The following CPED1 variants were observed in gnomAD, a reference collection of about 807,000 sequenced individuals.
CPED1 encodes cadherin-like and PC-esterase domain-containing protein 1.
A neutral mutation model predicts 128.2 loss-of-function variants in CPED1; 114 were observed. The observed-to-expected ratio is 0.89, with a 90% CI of 0.76 to 1.04. The LOEUF (loss-of-function observed/expected upper bound fraction) is 1.04, where lower values mean the gene tolerates loss of function less well. Ranked by LOEUF, CPED1 falls within the 50% of genes least tolerant of loss-of-function variation. The pLI is 0.00. For synonymous variants in CPED1, 462 were observed against 426.7 expected, an observed-to-expected ratio of 1.08 and a Z score of -1.02; for missense variants, 1,211 against 1,207.1, an observed-to-expected ratio of 1.00 and a Z score of -0.05.
At chr7:121,062,708 T>C (rs1451755060) in intron 4 of CPED1, 1 of 152,058 alleles carries the variant, frequency 6.6e-6, no homozygotes, top group Non-Finnish European at 1.5e-5. Context: ...CCAAATCTCA[T>C]CCGGAATTAT....
chr7:121,143,956 A>G (rs1045452090), intron 16 of CPED1, among the ~76,000 whole-genome samples: 3 of 152,038 alleles, frequency 2.0e-5, no homozygotes, highest in African/African-American at 4.8e-5. Flanking sequence ...GGGGCATTAA[A>G]AATAAATGAA....
intron 5 of CPED1, among the ~76,000 whole-genome samples, chr7:121,068,195 T>A (rs1437107057): frequency 3.3e-5 from 5 of 152,262 alleles, no homozygotes; most frequent in African/African-American, 4.8e-5. Context: ...TGCCCATGCC[T>A]ATGTCCTGAA....
intron 7 of CPED1, among the ~76,000 whole-genome samples, 193 bp downstream of exon 7, chr7:121,100,287 A>C (rs575515126): frequency 6.6e-6 from 1 of 152,314 alleles, no homozygotes; most frequent in South Asian, 2.1e-4. Flanking sequence ...AGCTTAATTC[A>C]CTAGGGATCA....
chr7:121,091,914 C>T (rs1020064664), intron 5 of CPED1, among the ~76,000 whole-genome samples: 4 of 151,988 alleles, frequency 2.6e-5, no homozygotes, highest in African/African-American at 7.3e-5. Flanking sequence ...TTAGATTATG[C>T]ATCTTTATTG....
intron 22 of CPED1, among the ~76,000 whole-genome samples, chr7:121,294,556 CACCATTATA>C (rs1330302216): frequency 1.3e-5 from 2 of 151,972 alleles, no homozygotes; most frequent in African/African-American, 4.8e-5. Flanking sequence ...TGGATCCCTG[CACCATTATA>C]ACCCCAGACC....
chr7:121,259,368 C>A (rs907539697), intron 18 of CPED1, among the ~76,000 whole-genome samples: 1 of 152,058 alleles, frequency 6.6e-6, no homozygotes, highest in African/African-American at 2.4e-5. Context: ...AACAAGTTTT[C>A]CCCCTCTGAA....
At chr7:121,256,261 A>T (rs778780329) in intron 18 of CPED1, among the ~76,000 whole-genome samples, 12 of 152,198 alleles carry the variant, frequency 7.9e-5, no homozygotes, top group Non-Finnish European at 1.3e-4. Flanking sequence ...CAGAATAGAA[A>T]ACTCAGAGAT....
chr7:121,002,165 G>A (rs978639888), intron 2 of CPED1, among the ~76,000 whole-genome samples: 8 of 152,094 alleles, frequency 5.3e-5, no homozygotes, highest in Non-Finnish European at 1.2e-4. Context: ...ATGTTTCACT[G>A]TTTCTTTAAT....
At chr7:121,154,024 C>T (rs1282538440) in intron 16 of CPED1, among the ~76,000 whole-genome samples, 1 of 152,144 alleles carries the variant, frequency 6.6e-6, no homozygotes, top group Non-Finnish European at 1.5e-5. Flanking sequence ...ACAGACTATA[C>T]ATGGTGCCAT....
intron 3 of CPED1, among the ~76,000 whole-genome samples, chr7:121,046,273 A>T (rs1166827634): frequency 6.6e-6 from 1 of 152,034 alleles, no homozygotes; most frequent in Non-Finnish European, 1.5e-5. Context: ...TTTGAACTGA[A>T]CTCTGCTATG....
intron 3 of CPED1, among the ~76,000 whole-genome samples, chr7:121,018,768 A>G (rs1006819548): frequency 6.6e-6 from 1 of 152,114 alleles, no homozygotes; most frequent in Admixed American, 6.6e-5. Flanking sequence ...ATACTTGAAG[A>G]GTAGTACATA....
chr7:121,114,034 GTTAGC>G (rs1377007729), intron 7 of CPED1, among the ~76,000 whole-genome samples: 1 of 152,012 alleles, frequency 6.6e-6, no homozygotes, highest in Non-Finnish European at 1.5e-5. Context: ...CTTTCACCAT[GTTAGC>G]CAGAATGGTC....
intron 3 of CPED1, among the ~76,000 whole-genome samples, chr7:121,025,955 G>A (rs7789501): frequency 0.8 from 121,276 of 152,014 alleles, 48,650 homozygotes; most frequent in East Asian, 0.94. Flanking sequence ...GTGCTATCCC[G>A]GCAGTATCTA....
At chr7:121,219,298 G>A (rs1349236608) in intron 16 of CPED1, among the ~76,000 whole-genome samples, 1 of 151,848 alleles carries the variant, frequency 6.6e-6, no homozygotes, top group Admixed American at 6.6e-5. Context: ...TTTTCCAGTC[G>A]AAATCCTACA....
At chr7:121,056,727 T>G (rs1793508543) in intron 4 of CPED1, among the ~76,000 whole-genome samples, 1 of 152,214 alleles carries the variant, frequency 6.6e-6, no homozygotes. Context: ...CTATTTGTCA[T>G]GGGTTAAACC....
chr7:121,141,813 A>G (rs1185737547), intron 15 of CPED1, among the ~76,000 whole-genome samples, 160 bp from the exon 16 acceptor site: 1 of 152,116 alleles, frequency 6.6e-6, no homozygotes, highest in Non-Finnish European at 1.5e-5. Context: ...TGAAAGAGAT[A>G]TTTATTTATT....
chr7:120,990,547 A>G (rs1214727485), intron 2 of CPED1, among the ~76,000 whole-genome samples: 3 of 152,230 alleles, frequency 2.0e-5, no homozygotes, highest in African/African-American at 4.8e-5. Context: ...ACACAAAGTA[A>G]CACAGGATTT....
intron 2 of CPED1, among the ~76,000 whole-genome samples, chr7:120,999,246 T>C (rs1791760267): frequency 6.6e-6 from 1 of 152,184 alleles, no homozygotes; most frequent in Non-Finnish European, 1.5e-5. Context: ...CTGTACTATC[T>C]CTTGGACTTC....
At chr7:121,111,710 T>G (rs919748575) in intron 7 of CPED1, among the ~76,000 whole-genome samples, 1 of 151,638 alleles carries the variant, frequency 6.6e-6, no homozygotes, top group African/African-American at 2.4e-5. Context: ...GCACTGAAAA[T>G]AAAAAAGAAA....
Sources: allele counts gnomAD v4.1 joint callset (sites outside exome capture counted in the v4.1 genomes callset), GRCh38; gene constraint gnomAD v4.1.1; transcripts MANE v1.5; gene names NCBI Gene and HGNC (gene_info 2026-07-23, HGNC 2026-07-21).